The following UNC13C variants were observed in gnomAD, a reference collection of about 807,000 sequenced individuals.
UNC13C encodes the protein unc-13 homolog C, also known as protein unc-13 homolog C.
Under a neutral mutation model 245.4 loss-of-function variants are expected in UNC13C, and 174 were observed. The ratio of observed to expected loss-of-function variants is 0.71; its 90% CI spans 0.63 to 0.80. The LOEUF is 0.80. Ranked by LOEUF, UNC13C falls within the 30% of genes least tolerant of loss-of-function variation. UNC13C has a pLI of 0.00. For synonymous variants in UNC13C, 992 were observed against 895.1 expected, an observed-to-expected ratio of 1.11 and a Z score of -1.93; for missense variants, 2,829 against 2,602.9, an observed-to-expected ratio of 1.09 and a Z score of -1.89.
chr15:54,324,570 G>T (rs1179872283), intron 14 of UNC13C, among the ~76,000 whole-genome samples: 1 of 151,950 alleles, frequency 6.6e-6, no homozygotes, highest in Non-Finnish European at 1.5e-5. Flanking sequence ...AGACCAATTG[G>T]ATGACAGTGA....
intron 4 of UNC13C, among the ~76,000 whole-genome samples, chr15:54,227,576 C>G (rs1345547567): frequency 6.6e-6 from 1 of 152,214 alleles, no homozygotes; most frequent in Non-Finnish European, 1.5e-5. Flanking sequence ...TGTGTCAGGA[C>G]TTCCCTGAGT....
intron 30 of UNC13C, among the ~76,000 whole-genome samples, chr15:54,595,810 T>C (rs946404761): frequency 6.6e-6 from 1 of 152,240 alleles, no homozygotes; most frequent in Non-Finnish European, 1.5e-5. Context: ...CTTTGGCTTA[T>C]CTGGACAGAT....
At chr15:54,370,299 G>T (rs2039460493) in intron 17 of UNC13C, among the ~76,000 whole-genome samples, 1 of 152,048 alleles carries the variant, frequency 6.6e-6, no homozygotes, top group Admixed American at 6.6e-5. Flanking sequence ...GAACAGCAAG[G>T]CCCTAGGAAC....
the UNC13C span, among the ~76,000 whole-genome samples, chr15:53,854,882 G>T: frequency 6.6e-6 from 1 of 152,086 alleles, no homozygotes; most frequent in Non-Finnish European, 1.5e-5. Context: ...AAATTACTTT[G>T]GGTAGTATGG....
the UNC13C span, among the ~76,000 whole-genome samples, chr15:53,897,505 C>T: frequency 1.3e-5 from 2 of 152,194 alleles, no homozygotes; most frequent in Non-Finnish European, 2.9e-5. Context: ...GTCTTGAACT[C>T]CTGGCCTCAA....
At chr15:54,587,290 T>G (rs538630070) in intron 30 of UNC13C, among the ~76,000 whole-genome samples, 1 of 152,168 alleles carries the variant, frequency 6.6e-6, no homozygotes, top group Non-Finnish European at 1.5e-5. Flanking sequence ...ATGACAGAAT[T>G]CTCCTCCTAC....
chr15:54,106,051 T>G (rs1900429116), intron 2 of UNC13C, among the ~76,000 whole-genome samples: 1 of 152,156 alleles, frequency 6.6e-6, no homozygotes, highest in Non-Finnish European at 1.5e-5. Context: ...AGTGCTGGAG[T>G]CTTCTTCAGT....
At chr15:54,123,232 T>C (rs1016549744) in intron 2 of UNC13C, among the ~76,000 whole-genome samples, 8 of 152,054 alleles carry the variant, frequency 5.3e-5, no homozygotes, top group African/African-American at 1.9e-4. Context: ...TCCCTATTCA[T>C]ATATTCTCTT....
rs570505268 is a variant in UNC13C, at chr15:54,594,889, G to A, written c.6106+26942G>A. On this transcript the variant is annotated intron_variant, in intron 30 of 32. Coordinates refer to ENST00000260323, the MANE Select transcript of UNC13C (RefSeq NM_001080534.3). ...GAGACAGAATAAGTATCCAAAAGGC[G>A]GGTCCAGGGGACCGGAGCATCGGAG... 1.4e-4 allele frequency among the ~76,000 whole-genome samples: 21 copies of A among 152,332 alleles called. No homozygotes were observed. In the South Asian group the frequency reaches 2.5e-3, roughly 18 times the overall value.
chr15:54,084,060 T>G (rs1595828643), intron 2 of UNC13C, among the ~76,000 whole-genome samples: 1 of 152,076 alleles, frequency 6.6e-6, no homozygotes, highest in South Asian at 2.1e-4. Flanking sequence ...GCCACAGAGG[T>G]GAGGGGAGCA....
chr15:54,306,529 A>G (rs1596186904), intron 13 of UNC13C, among the ~76,000 whole-genome samples: 2 of 151,962 alleles, frequency 1.3e-5, no homozygotes, highest in African/African-American at 2.4e-5. Context: ...TGCAATGTGT[A>G]TGTTCCTAAT....
chr15:54,481,573 C>A (rs1893121641), intron 19 of UNC13C, among the ~76,000 whole-genome samples: 1 of 152,100 alleles, frequency 6.6e-6, no homozygotes, highest in Admixed American at 6.6e-5. Context: ...GCAGCAGTGG[C>A]TTTCAGGGCG....
At chr15:54,478,966 C>G (rs887623766) in intron 19 of UNC13C, among the ~76,000 whole-genome samples, 1 of 151,628 alleles carries the variant, frequency 6.6e-6, no homozygotes, top group Non-Finnish European at 1.5e-5. Context: ...GTAGGTCATT[C>G]AGGACTTGCT....
In UNC13C at chr15:54,467,127, A is replaced by G. The variant is rs149637775; in HGVS notation, c.4934-27481A>G. On this transcript the variant is annotated intron_variant, in intron 19 of 32. Coordinates refer to ENST00000260323, the MANE Select transcript of UNC13C (RefSeq NM_001080534.3). ...ACAAAACCATATTATCTATATTTTA[A>G]ACAAGGACTGGAAATACAGCTGTGA... Among the ~76,000 whole-genome samples, 1,101 of 152,012 alleles carry G rather than the reference A, an allele frequency of 7.2e-3. 16 individuals are homozygous for G. The highest frequency in any genetic ancestry group is 0.025 in the African/African-American group (1,027 of 41,558).
At chr15:54,631,836 T>C (rs924235950), downstream of UNC13C, 1 of 152,192 alleles carries the variant, frequency 6.6e-6, no homozygotes, top group Non-Finnish European at 1.5e-5. Flanking sequence ...TTTTTATTTT[T>C]CTTGGGTGAT....
the UNC13C span, among the ~76,000 whole-genome samples, chr15:53,909,226 T>C: frequency 6.8e-6 from 1 of 146,876 alleles, no homozygotes; most frequent in Non-Finnish European, 1.5e-5. Context: ...GTTATTTATG[T>C]GTATCACTTT....
intron 30 of UNC13C, among the ~76,000 whole-genome samples, chr15:54,576,078 A>C (rs1897946338): frequency 6.6e-6 from 1 of 152,256 alleles, no homozygotes; most frequent in Non-Finnish European, 1.5e-5. Context: ...GAAGATAAGC[A>C]AACATCTTGT....
At chr15:54,168,311 G>A (rs866012388) in intron 4 of UNC13C, among the ~76,000 whole-genome samples, 1 of 152,050 alleles carries the variant, frequency 6.6e-6, no homozygotes, top group Non-Finnish European at 1.5e-5. Context: ...TTTGGACTTC[G>A]GTTTACTCAG....
intron 19 of UNC13C, among the ~76,000 whole-genome samples, chr15:54,481,435 T>C (rs74873451): frequency 0.03 from 4,516 of 152,182 alleles, 180 homozygotes; most frequent in Admixed American, 0.12. Context: ...GACATGCACA[T>C]GCTACAGTGG....
Sources: allele counts gnomAD v4.1 joint callset (sites outside exome capture counted in the v4.1 genomes callset), GRCh38; gene constraint gnomAD v4.1.1; transcripts MANE v1.5; gene names NCBI Gene and HGNC (gene_info 2026-07-23, HGNC 2026-07-21).